Variants in TESPA1 observed in about 807,000 individuals in gnomAD.
The protein encoded by TESPA1 is protein TESPA1.
TESPA1 carries 33 observed loss-of-function variants against 57.9 expected under a neutral mutation model. The ratio of observed to expected loss-of-function variants is 0.57; its 90% CI spans 0.43 to 0.76. The LOEUF (loss-of-function observed/expected upper bound fraction) is 0.76, where lower values mean the gene tolerates loss of function less well. TESPA1 is among the 30% of genes least tolerant of loss of function. The pLI is 0.00. For missense variants in TESPA1, 618 were observed against 632.9 expected, an observed-to-expected ratio of 0.98 and a Z score of 0.25; for synonymous variants, 227 against 228.9, an observed-to-expected ratio of 0.99 and a Z score of 0.07.
rs2135986517 is a variant in TESPA1, at chr12:54,948,935, G to A, written c.*1457C>T. On this transcript the variant is annotated 3_prime_UTR_variant, in exon 11 of 11. Coordinates refer to ENST00000449076, the MANE Select transcript of TESPA1 (RefSeq NM_001136030.3). ...TGCTGTAGTTCTTTCTATTTCTTGAGATCTAAATCTTCTTCCAGCCTCTTC... is the reference window on the plus strand; with the variant it reads ...TGCTGTAGTTCTTTCTATTTCTTGAAATCTAAATCTTCTTCCAGCCTCTTC... 6.6e-6 allele frequency: 1 copy of A among 152,218 alleles called. No individual in the cohort carries two copies. Among genetic ancestry groups the A allele is most frequent in the Middle Eastern group, 3.4e-3 (1 of 294 alleles). 9.4% of individuals were successfully genotyped at this position (152,218 alleles called of 1,614,324 possible).
rs200900573 is a variant in TESPA1 at position 54,974,529 on chromosome 12, C to T, written c.34G>A (p.Glu12Lys). ...EASVLSPTSW[E>K]KRRAWLRQSR... ...TGACGGAGCCAGGCCCGCCGTTTCT[C>T]CCAGGATGTGGGGCTCAGCACAGAG... is the stretch of plus-strand genomic sequence containing the variant. The change falls in exon 2 of 11, where the codon GAG (glutamate) becomes AAG (lysine). Residue 12 changes from glutamate to lysine, a missense_variant. Glu to Lys is a moderately conservative substitution (Grantham distance 56). Coordinates refer to ENST00000449076, the MANE Select transcript of TESPA1 (RefSeq NM_001136030.3). 2.9e-5 allele frequency: 47 copies of T among 1,600,032 alleles called. No homozygotes were observed. Among genetic ancestry groups the T allele is most frequent in the Non-Finnish European group, 3.8e-5 (45 of 1,173,348 alleles).
At chr12:54,973,337 C>G in intron 3 of TESPA1, 140 bp downstream of exon 3, 1 of 1,256,730 alleles carries the variant, frequency 8.0e-7, no homozygotes, top group Non-Finnish European at 1.1e-6. Context: ...CAACACCCCT[C>G]CAACCACCAT....
intron 10 of TESPA1, among the ~76,000 whole-genome samples, chr12:54,957,740 T>C (rs566144372): frequency 9.2e-5 from 14 of 152,358 alleles, no homozygotes; most frequent in Non-Finnish European, 1.3e-4. Context: ...AATATTTTCC[T>C]AACTTACTTG....
chr12:54,962,802 C>T lies in TESPA1; in HGVS notation c.1096G>A (p.Glu366Lys). The T allele has an allele frequency of 6.2e-7, 1 of 1,613,924 alleles. No homozygotes were observed. The highest frequency in any genetic ancestry group is 1.7e-5 in the Admixed American group (1 of 60,018). ...GTGGACATCCTCTGCTGTGTTTCCT[C>T]TTCACAGCAGAAGACACATGGATAG... ...SPYPCVFCCE[E>K]ETQQRMSTVL... The change falls in exon 9 of 11, where the codon GAG becomes AAG. Residue 366 changes from glutamate (E) to lysine (K), a missense_variant. Around this residue, in one of 3 missense-constraint regions of TESPA1, gnomAD observed 409 missense variants for 420.1 expected, o/e 0.97. Transcript: ENST00000449076.
In TESPA1 at chr12:54,961,252, C is replaced by A; in HGVS notation, c.1483G>T (p.Glu495Ter). 1 of 1,613,954 alleles carries A rather than the reference C, an allele frequency of 6.2e-7. No individual in the cohort carries two copies. Among genetic ancestry groups the A allele is most frequent in the Non-Finnish European group, 8.5e-7 (1 of 1,179,890 alleles). ...FDLEEVQSNSEEEQSQSRWPS... is the reference protein window; with the variant it reads ...FDLEEVQSNS ...CAGCGACTCTGACTCTGCTCCTCCT[C>A]ACTGTTGCTTTGCACCTGTAACCAA... Residue 495 changes from glutamate (E) to a stop codon, truncating the protein, a stop_gained, in exon 10 of 11, where the codon GAG (glutamate) becomes TAG (stop). Coordinates refer to ENST00000449076, the MANE Select transcript of TESPA1 (RefSeq NM_001136030.3). LOFTEE classifies it high-confidence loss of function.
Position 54,950,371 on chromosome 12 carries a change from G to A in TESPA1, c.*21C>T, listed in dbSNP as rs1343123617. 2 of 456,300 alleles carry A rather than the reference G, an allele frequency of 4.4e-6. No homozygotes were observed. The highest frequency in any genetic ancestry group is 8.8e-6 in the Non-Finnish European group (2 of 226,884). The allele number at this position is 456,300 out of a possible 1,614,324, so 28.3% of individuals were successfully genotyped here. A position where few individuals can be genotyped will look rare whatever the true frequency, so the allele number is the denominator to read the frequency against. ...AGCCAATTCTGTCAGACCACATGCT[G>A]TTGTGGTGGTGGAGAAAGCCTGCAA... On this transcript the variant is annotated 3_prime_UTR_variant, in exon 11 of 11. Coordinates refer to ENST00000449076, the MANE Select transcript of TESPA1 (RefSeq NM_001136030.3).
chr12:54,965,305 C>T (rs1951355072), intron 7 of TESPA1, among the ~76,000 whole-genome samples: 1 of 152,098 alleles, frequency 6.6e-6, no homozygotes, highest in South Asian at 2.1e-4. Flanking sequence ...GGTATTAAGC[C>T]CAGCATGCAT....
chr12:54,973,457 A>C lies in TESPA1; in HGVS notation c.206+20T>G. 6.2e-7 allele frequency: 1 copy of C among 1,613,928 alleles called. No individual in the cohort carries two copies. Among genetic ancestry groups the C allele is most frequent in the South Asian group, 1.1e-5 (1 of 91,074 alleles). ...TCAACCATCAGCCACATACCACCCCATTGCCTGTCCAGCACTTACCCGCAA... is the reference window on the plus strand; with the variant it reads ...TCAACCATCAGCCACATACCACCCCCTTGCCTGTCCAGCACTTACCCGCAA... On this transcript the variant is annotated intron_variant, in intron 3 of 10. Transcript: ENST00000449076.
chr12:54,983,888 AG>A (rs1355644822), intron 1 of TESPA1: 2 of 152,248 alleles, frequency 1.3e-5, no homozygotes, highest in Non-Finnish European at 2.9e-5. Context: ...TAGGTCACTG[AG>A]AAGGCAACAC....
intron 7 of TESPA1, 25 bp from the exon 8 acceptor site, chr12:54,963,975 T>G: frequency 6.2e-7 from 1 of 1,606,490 alleles, no homozygotes; most frequent in South Asian, 1.1e-5. Context: ...TTTGGGTAAA[T>G]AAGGGACAAC....
chr12:54,974,719 T>TGCTTTTGAATGGTCAGAGA, intron 1 of TESPA1, 112 bp from the exon 2 acceptor site: 1 of 698,030 alleles, frequency 1.4e-6, no homozygotes, highest in Non-Finnish European at 2.0e-6. Context: ...TTGGTCTCTC[T>TGCTTTTGAATGGTCAGAGA]GACCATTCAA....
At chr12:54,967,701 G>T in intron 4 of TESPA1, 142 bp downstream of exon 4, 1 of 1,005,424 alleles carries the variant, frequency 9.9e-7, no homozygotes, top group Non-Finnish European at 1.4e-6. Flanking sequence ...CACGAATAGT[G>T]TTTTGCAGCC....
At position 54,967,205 on chromosome 12, in the gene TESPA1, A is replaced by G. The variant is rs755776863; in HGVS notation, c.288T>C (p.Asp96=). ...GFCSHGTSFE[D]DLTLGAEATL... ...TACCCTCCGCTCCCAGGGTCAAGTC[A>G]TCTTCAAAGCTGGTCCCATGGCTGC... is the stretch of plus-strand genomic sequence containing the variant. Residue 96 remains aspartate, a synonymous_variant, in exon 5 of 11, where the codon GAT becomes GAC. Transcript: ENST00000449076. The G allele has an allele frequency of 3.7e-6, 6 of 1,613,076 alleles. No homozygotes were observed. The highest frequency in any genetic ancestry group is 5.1e-6 in the Non-Finnish European group (6 of 1,179,706).
At chr12:54,961,089 G>GT in intron 10 of TESPA1, 79 bp downstream of exon 10, 13 of 1,500,138 alleles carry the variant, frequency 8.7e-6, no homozygotes, top group Non-Finnish European at 1.2e-5. Context: ...TTTATTATGG[G>GT]TTTAAAAAAA....
In TESPA1 at chr12:54,962,922, C is replaced by G. The variant is rs1413091427; in HGVS notation, c.976G>C (p.Glu326Gln). Reference protein sequence around the residue: ...VLEVMDKVKEEKQFLQQDSDL... With the variant: ...VLEVMDKVKEQKQFLQQDSDL... ...GAGTCTTGCTGGAGGAACTGCTTCT[C>G]TTCTTTCACTTTGTCCATCACTTCC... is the stretch of plus-strand genomic sequence containing the variant. Residue 326 changes from glutamate to glutamine, a missense_variant, in exon 9 of 11, where the codon GAG becomes CAG. Glu to Gln is a conservative substitution (Grantham distance 29). Transcript: ENST00000449076. The G allele has an allele frequency of 6.2e-7, 1 of 1,613,766 alleles. No individual in the cohort carries two copies. The highest frequency in any genetic ancestry group is 1.7e-5 in the Admixed American group (1 of 60,014).
rs1389755332 is a variant in TESPA1 at position 54,962,998 on chromosome 12, T to A, written c.900A>T (p.Pro300=). Residue 300 remains proline (P), a synonymous_variant, in exon 9 of 11, where the codon CCA becomes CCT. Transcript: ENST00000449076. ...TTTTGGGGGTGTTGTGGGGTGGTGG[T>A]GGCCGGTCTCGGGGGCATGTGTACA... is the stretch of plus-strand genomic sequence containing the variant. ...MCLYTCPRDR[P]PPPHNTPKRN... The A allele has an allele frequency of 6.2e-7, 1 of 1,613,706 alleles. No individual in the cohort carries two copies. Among genetic ancestry groups the A allele is most frequent in the African/African-American group, 1.3e-5 (1 of 74,946 alleles).
chr12:54,969,806 G>A (rs534295562), intron 3 of TESPA1, among the ~76,000 whole-genome samples: 1 of 152,296 alleles, frequency 6.6e-6, no homozygotes, highest in African/African-American at 2.4e-5. Context: ...TGTTACCCTT[G>A]GAAGCAGGAT....
intron 10 of TESPA1, among the ~76,000 whole-genome samples, chr12:54,953,669 C>T (rs1179664115): frequency 6.6e-6 from 1 of 152,114 alleles, no homozygotes; most frequent in Non-Finnish European, 1.5e-5. Flanking sequence ...CAGGGACCCG[C>T]CACTACGCCT....
chr12:54,960,775 C>A (rs570597397), intron 10 of TESPA1, among the ~76,000 whole-genome samples: 2 of 152,328 alleles, frequency 1.3e-5, no homozygotes, highest in East Asian at 3.9e-4. Context: ...AAGTTCTACA[C>A]AATGTCTCCT....
Sources: gnomAD v4.1 joint callset for allele counts (sites outside exome capture counted in the v4.1 genomes callset) on GRCh38, gnomAD v4.1.1 for gene constraint, gnomAD v4.1.1 regional missense constraint, MANE v1.5 for transcripts, NCBI Gene and HGNC (gene_info 2026-07-23, HGNC 2026-07-21) for gene names.